The following CLMP variants were observed in gnomAD, a reference collection of about 807,000 sequenced individuals.
CLMP encodes the protein CXADR like cell adhesion molecule.
A neutral mutation model predicts 45.2 loss-of-function variants in CLMP; 27 were observed. The ratio of observed to expected loss-of-function variants is 0.60; its 90% CI spans 0.44 to 0.82. The LOEUF (loss-of-function observed/expected upper bound fraction) is 0.82, where lower values mean the gene tolerates loss of function less well. Ranked by LOEUF, CLMP falls within the 40% of genes least tolerant of loss-of-function variation. The pLI, the probability that CLMP is intolerant of heterozygous loss-of-function variation, is 0.00. For missense variants in CLMP, 403 were observed against 448.4 expected, an observed-to-expected ratio of 0.90 and a Z score of 0.91; for synonymous variants, 167 against 171.4, an observed-to-expected ratio of 0.97 and a Z score of 0.20.
chr11:123,073,555 T>C lies in CLMP; in HGVS notation c.1041A>G (p.Lys347=), dbSNP rs574164455. The C allele has an allele frequency of 1.9e-6, 3 of 1,614,232 alleles. No homozygotes were observed. Among genetic ancestry groups the C allele is most frequent in the Non-Finnish European group, 2.5e-6 (3 of 1,180,040 alleles). Residue 347 remains lysine, a synonymous_variant, in exon 7 of 7, where the codon AAA becomes AAG. Coordinates refer to ENST00000448775, the MANE Select transcript of CLMP (RefSeq NM_024769.5). ...CTTTGGTCAGATTAGCATGGTGGAC[T>C]TTCTTTGGTTCAGAACCTCTCACCT... ...GPEVRGSEPK[K]VHHANLTKAE...
chr11:123,182,487 C>T (rs1861782433), intron 1 of CLMP, among the ~76,000 whole-genome samples: 1 of 152,206 alleles, frequency 6.6e-6, no homozygotes, highest in South Asian at 2.1e-4. Flanking sequence ...CAGAGCCAGG[C>T]ATCAAACAGG....
intron 1 of CLMP, among the ~76,000 whole-genome samples, chr11:123,127,584 T>G (rs60036029): frequency 6.6e-6 from 1 of 151,894 alleles, no homozygotes; most frequent in Admixed American, 6.6e-5. Context: ...TTTGAGAAAA[T>G]AGAAAAGGAG....
At position 123,071,929 on chromosome 11, in the gene CLMP, G is replaced by A. The variant is rs1489248633; in HGVS notation, c.*1545C>T. On this transcript the variant is annotated 3_prime_UTR_variant, in exon 7 of 7. Coordinates refer to ENST00000448775, the MANE Select transcript of CLMP (RefSeq NM_024769.5). ...TCTCCCATTCATCAACTCTTCAGCA[G>A]CTATCCTGGTGAGTTATTTTTGCTA... 1 of 152,182 alleles carries A rather than the reference G, an allele frequency of 6.6e-6. No homozygotes were observed. Among genetic ancestry groups the A allele is most frequent in the Non-Finnish European group, 1.5e-5 (1 of 68,032 alleles). The allele number at this position is 152,182 out of a possible 1,614,324, so 9.4% of individuals were successfully genotyped here.
intron 1 of CLMP, among the ~76,000 whole-genome samples, chr11:123,159,163 A>T (rs370944739): frequency 6.6e-6 from 1 of 152,084 alleles, no homozygotes; most frequent in Non-Finnish European, 1.5e-5. Context: ...TATGTTATTT[A>T]AAAAATACCT....
At chr11:123,186,774 C>T (rs760780459) in intron 1 of CLMP, among the ~76,000 whole-genome samples, 11 of 152,234 alleles carry the variant, frequency 7.2e-5, no homozygotes, top group Admixed American at 1.3e-4. Flanking sequence ...CCACCCGCCT[C>T]GGCCTCCCAA....
chr11:123,137,147 CTTTTTTTTTTT>C (rs375816483), intron 1 of CLMP, among the ~76,000 whole-genome samples: 3 of 82,458 alleles, frequency 3.6e-5, no homozygotes, highest in African/African-American at 1.5e-4. Flanking sequence ...TTTTCTTTTT[CTTTTTTTTTTT>C]TTTTTTTTTT....
intron 1 of CLMP, among the ~76,000 whole-genome samples, chr11:123,178,496 A>T (rs1861728142): frequency 6.6e-6 from 1 of 152,128 alleles, no homozygotes; most frequent in African/African-American, 2.4e-5. Context: ...CATTGGACAA[A>T]TTGCTTCTCT....
chr11:123,074,954 G>C, intron 5 of CLMP, 111 bp from the exon 6 acceptor site: 1 of 1,163,060 alleles, frequency 8.6e-7, no homozygotes, highest in Non-Finnish European at 1.2e-6. Context: ...AGGTTTGTTT[G>C]TTTTGTTTTT....
Position 123,109,381 on chromosome 11 carries a change from G to A in CLMP, c.29-11429C>T, listed in dbSNP as rs1425581906. ...TCATTTGTTATCGATCTGAGCCCGT[G>A]AGAGCCAATGTTATCAACTCTTTTA... On this transcript the variant is annotated intron_variant, in intron 1 of 6. Coordinates refer to ENST00000448775, the MANE Select transcript of CLMP (RefSeq NM_024769.5). Among the ~76,000 whole-genome samples, 3 of 147,722 alleles carry A rather than the reference G, an allele frequency of 2.0e-5. No individual in the cohort carries two copies. In the East Asian group the frequency reaches 6.1e-4, roughly 30 times the overall value.
chr11:123,161,145 G>A (rs903342421), intron 1 of CLMP, among the ~76,000 whole-genome samples: 2 of 152,168 alleles, frequency 1.3e-5, no homozygotes, highest in Non-Finnish European at 2.9e-5. Context: ...TGCCTACTAC[G>A]TGCCCAGCCC....
intron 1 of CLMP, chr11:123,191,408 C>T (rs572403253): frequency 4.1e-4 from 62 of 152,328 alleles, no homozygotes; most frequent in African/African-American, 1.4e-3. Context: ...CTGTCGTTAT[C>T]TTACAGACCA....
chr11:123,074,018 G>T (rs1023781288), intron 6 of CLMP, among the ~76,000 whole-genome samples: 5 of 152,100 alleles, frequency 3.3e-5, no homozygotes, highest in Admixed American at 6.5e-5. Flanking sequence ...CATTGAGATG[G>T]TCTAGACAGC....
intron 1 of CLMP, among the ~76,000 whole-genome samples, chr11:123,147,975 G>T (rs1446459388): frequency 1.3e-5 from 2 of 152,134 alleles, no homozygotes; most frequent in Non-Finnish European, 2.9e-5. Context: ...ACCGTGCGTG[G>T]CTTAGACACT....
intron 1 of CLMP, among the ~76,000 whole-genome samples, chr11:123,154,288 A>G (rs892079088): frequency 6.6e-6 from 1 of 152,198 alleles, no homozygotes; most frequent in Non-Finnish European, 1.5e-5. Flanking sequence ...GGTATGGACC[A>G]GAAAGCCTGA....
intron 1 of CLMP, among the ~76,000 whole-genome samples, chr11:123,180,602 A>G (rs918489139): frequency 1.1e-4 from 4 of 35,232 alleles, no homozygotes; most frequent in African/African-American, 2.1e-4. Context: ...CATAGGAGTA[A>G]AAAAAAAAAA....
At chr11:123,090,442 T>C (rs1269206473) in intron 2 of CLMP, among the ~76,000 whole-genome samples, 1 of 151,176 alleles carries the variant, frequency 6.6e-6, no homozygotes, top group Non-Finnish European at 1.5e-5. Flanking sequence ...GAAAAAACAC[T>C]GTGCCAGGCC....
chr11:123,162,744 C>CA (rs1565400979), intron 1 of CLMP, among the ~76,000 whole-genome samples: 4 of 150,074 alleles, frequency 2.7e-5, no homozygotes, highest in Non-Finnish European at 3.0e-5. Flanking sequence ...AAAAAAAATA[C>CA]AAAAAAAAGC....
chr11:123,169,218 G>A (rs1861598450), intron 1 of CLMP, among the ~76,000 whole-genome samples: 1 of 152,140 alleles, frequency 6.6e-6, no homozygotes, highest in Non-Finnish European at 1.5e-5. Context: ...ATTCCCAGAG[G>A]AATCCACAAG....
chr11:123,155,683 A>C (rs1000255758), intron 1 of CLMP, among the ~76,000 whole-genome samples: 1 of 152,316 alleles, frequency 6.6e-6, no homozygotes, highest in Admixed American at 6.5e-5. Context: ...CCAGCCTCCA[A>C]GATGGTCCTC....
Sources: allele counts gnomAD v4.1 joint callset (sites outside exome capture counted in the v4.1 genomes callset), GRCh38; gene constraint gnomAD v4.1.1; transcripts MANE v1.5; gene names NCBI Gene and HGNC (gene_info 2026-07-23, HGNC 2026-07-21).